Variants in DROSHA observed in about 807,000 individuals in gnomAD.
The protein encoded by DROSHA is drosha ribonuclease III, also known as ribonuclease 3.
DROSHA carries 56 observed loss-of-function variants against 181.9 expected under a neutral mutation model. That is an observed-to-expected ratio of 0.31 (90% CI 0.25 to 0.38). The LOEUF is 0.38. DROSHA is among the 10% of genes least tolerant of loss of function. The probability of loss-of-function intolerance (pLI) is 1.00; values close to 1 mark genes in which losing one functional copy is unlikely to be tolerated. For synonymous variants in DROSHA, 524 were observed against 591.2 expected (o/e 0.89, Z 1.65); for missense variants, 1,218 against 1,743.5 (o/e 0.70, Z 5.37).
At position 31,483,595 on chromosome 5, in the gene DROSHA, G is replaced by C; in HGVS notation, c.2030C>G (p.Pro677Arg). 6.2e-7 allele frequency: 1 copy of C among 1,611,948 alleles called. No individual in the cohort carries two copies. The highest frequency in any genetic ancestry group is 1.7e-5 in the Admixed American group (1 of 59,812). The change falls in exon 16 of 36, where the codon CCA (proline) becomes CGA (arginine). Residue 677 changes from proline (P) to arginine (R), a missense_variant. Coordinates refer to ENST00000344624, the MANE Select transcript of DROSHA (RefSeq NM_001382508.1). ...PLFEDSPPCC[P>R]RFHFMPRFVR... Reference sequence around the variant, plus strand: ...AAAACGTGGCATGAAATGAAATCTTGGGCAGCAGGGAGGGCTGTCTTCAAA... The same window carrying C: ...AAAACGTGGCATGAAATGAAATCTTCGGCAGCAGGGAGGGCTGTCTTCAAA...
chr5:31,504,685 C>A, intron 10 of DROSHA, 50 bp from the exon 11 acceptor site: 1 of 1,598,372 alleles, frequency 6.3e-7, no homozygotes, highest in Non-Finnish European at 8.6e-7. Context: ...AAAATCCACA[C>A]CATGCACGGT....
chr5:31,520,823 T>C (rs1739811117), intron 6 of DROSHA, among the ~76,000 whole-genome samples: 1 of 152,182 alleles, frequency 6.6e-6, no homozygotes, highest in Admixed American at 6.5e-5. Context: ...TTTAAGAGCA[T>C]AATTATGAAT....
intron 11 of DROSHA, among the ~76,000 whole-genome samples, chr5:31,495,722 G>A (rs1453407570): frequency 1.3e-5 from 2 of 152,206 alleles, no homozygotes; most frequent in Non-Finnish European, 2.9e-5. Flanking sequence ...AGTACACATA[G>A]GTGGCCTTGA....
At chr5:31,431,473 G>A in intron 26 of DROSHA, 103 bp downstream of exon 26, 1 of 1,159,996 alleles carries the variant, frequency 8.6e-7, no homozygotes, top group African/African-American at 1.5e-5. Context: ...ATGTGCTTTG[G>A]GAACAAGTAA....
intron 4 of DROSHA, among the ~76,000 whole-genome samples, chr5:31,528,552 T>A (rs961658989): frequency 2.0e-5 from 3 of 152,154 alleles, no homozygotes; most frequent in African/African-American, 7.2e-5. Context: ...TATCCCTTAA[T>A]AAAAAATAAA....
chr5:31,493,827 A>G (rs1752654096), intron 12 of DROSHA, among the ~76,000 whole-genome samples: 2 of 152,180 alleles, frequency 1.3e-5, no homozygotes, highest in Admixed American at 6.5e-5. Flanking sequence ...CAATTCCCAC[A>G]CAAGTTCAAA....
Position 31,506,362 on chromosome 5 carries a change from CA to C in DROSHA, c.1588-1728del, listed in dbSNP as rs35198823. Among the ~76,000 whole-genome samples the C allele has an allele frequency of 9.3e-3, 1,151 of 123,974 alleles. 6 individuals are homozygous for C. The highest frequency in any genetic ancestry group is 0.032 in the African/African-American group (962 of 30,446). 81.3% of individuals were successfully genotyped at this position (123,974 alleles called of 152,430 possible). On this transcript the variant is annotated intron_variant, in intron 10 of 35. Transcript: ENST00000344624. ...TGGGCGACAGAGTGAGACCCCGTCT[CA>C]AAAAAAAAAAAAAACTTATAACACA...
At chr5:31,507,508 T>C (rs1180633026) in intron 10 of DROSHA, among the ~76,000 whole-genome samples, 3 of 150,332 alleles carry the variant, frequency 2.0e-5, no homozygotes, top group Admixed American at 6.6e-5. Context: ...CCTATAGTCC[T>C]AGATACTTGG....
chr5:31,418,663 T>G (rs748362211), intron 30 of DROSHA, among the ~76,000 whole-genome samples: 3 of 151,930 alleles, frequency 2.0e-5, no homozygotes, highest in Non-Finnish European at 4.4e-5. Context: ...AAAAAGCTCA[T>G]AAGGAAGAGG....
chr5:31,456,912 C>A lies in DROSHA; in HGVS notation c.2575-5272G>T, dbSNP rs575719645. On this transcript the variant is annotated intron_variant, in intron 20 of 35. Transcript: ENST00000344624. ...TAGTGGCTAGGACAACAGGTGTGCA[C>A]CACCACACCTGGCTAAGTTTGCAAT... Among the ~76,000 whole-genome samples the A allele has an allele frequency of 1.4e-3, 215 of 152,128 alleles. 1 individual carries two copies. Among genetic ancestry groups the A allele is most frequent in the Non-Finnish European group, 2.6e-3 (178 of 68,004 alleles).
chr5:31,406,559 T>G (rs952329950), intron 34 of DROSHA, among the ~76,000 whole-genome samples: 1 of 152,136 alleles, frequency 6.6e-6, no homozygotes, highest in Non-Finnish European at 1.5e-5. Flanking sequence ...CACACACAGC[T>G]TGCATCAAAG....
intron 13 of DROSHA, among the ~76,000 whole-genome samples, chr5:31,492,429 C>T (rs569173576): frequency 6.6e-6 from 1 of 152,314 alleles, no homozygotes; most frequent in South Asian, 2.1e-4. Flanking sequence ...TTTCAAATTG[C>T]AGATGTAATT....
chr5:31,510,955 C>A, intron 9 of DROSHA, 80 bp downstream of exon 9: 1 of 1,519,804 alleles, frequency 6.6e-7, no homozygotes, highest in South Asian at 1.2e-5. Context: ...CAATGTGGGA[C>A]TCTCAAGGGT....
intron 20 of DROSHA, among the ~76,000 whole-genome samples, chr5:31,452,385 T>A (rs1747135475): frequency 6.6e-6 from 1 of 152,220 alleles, no homozygotes; most frequent in South Asian, 2.1e-4. Context: ...GCCACCAGTA[T>A]AGTTAAGGTA....
At chr5:31,495,265 T>G in intron 12 of DROSHA, 21 bp downstream of exon 12, 1 of 1,608,064 alleles carries the variant, frequency 6.2e-7, no homozygotes, top group Non-Finnish European at 8.5e-7. Context: ...ATGATATGCA[T>G]GTGATTCTTT....
rs1454060328 is a variant in DROSHA, at chr5:31,515,204, C to T, written c.1074G>A (p.Arg358=). Residue 358 remains arginine, a synonymous_variant, in exon 8 of 36, where the codon AGG becomes AGA. Coordinates refer to ENST00000344624, the MANE Select transcript of DROSHA (RefSeq NM_001382508.1). Reference sequence around the variant, plus strand: ...CCTCCCAACGAGCTCTCTTCTTCTCCCTACTTGGGGAGCGACTTCAAAAGA... The same window carrying T: ...CCTCCCAACGAGCTCTCTTCTTCTCTCTACTTGGGGAGCGACTTCAAAAGA... ...LEIVNHRSPS[R]EKKRARWEEE... 2 of 1,611,350 alleles carry T rather than the reference C, an allele frequency of 1.2e-6. No individual in the cohort carries two copies. Among genetic ancestry groups the T allele is most frequent in the Non-Finnish European group, 1.7e-6 (2 of 1,179,424 alleles).
intron 6 of DROSHA, among the ~76,000 whole-genome samples, chr5:31,520,278 A>G (rs2150060075): frequency 6.6e-6 from 1 of 152,252 alleles, no homozygotes; most frequent in East Asian, 1.9e-4. Context: ...TCTCAAACCT[A>G]ATGTTATGTA....
intron 20 of DROSHA, among the ~76,000 whole-genome samples, chr5:31,455,477 T>C (rs115839827): frequency 0.016 from 2,387 of 152,098 alleles, 44 homozygotes; most frequent in African/African-American, 0.054. Flanking sequence ...CTTGAAAGTA[T>C]ATACTGAAAG....
intron 12 of DROSHA, among the ~76,000 whole-genome samples, chr5:31,493,937 TTGTGTG>T (rs67311624): frequency 0.01 from 1,479 of 144,786 alleles, 24 homozygotes; most frequent in African/African-American, 0.029. Flanking sequence ...TAACCCACCA[TTGTGTG>T]TGTGTGTGTG....
Sources: allele counts gnomAD v4.1 joint callset (sites outside exome capture counted in the v4.1 genomes callset), GRCh38; gene constraint gnomAD v4.1.1; transcripts MANE v1.5; gene names NCBI Gene and HGNC (gene_info 2026-07-23, HGNC 2026-07-21).